The following CACNA1C variants were observed in gnomAD, a reference collection of about 807,000 sequenced individuals.
CACNA1C encodes the protein voltage-dependent L-type calcium channel subunit alpha-1C.
A neutral mutation model predicts 229.0 loss-of-function variants in CACNA1C; 30 were observed. The ratio of observed to expected loss-of-function variants is 0.13; its 90% confidence interval spans 0.10 to 0.18. The LOEUF is 0.18. CACNA1C is among the 10% of genes least tolerant of loss of function. The pLI is 1.00. For synonymous variants in CACNA1C, 1,114 were observed against 1,132.5 expected (o/e 0.98, Z 0.33); for missense variants, 1,658 against 2,845.0 (o/e 0.58, Z 9.49).
Position 2,677,962 on chromosome 12 carries a change from AG to A in CACNA1C, c.5091+96del. 2 of 1,423,680 alleles carry A rather than the reference AG, an allele frequency of 1.4e-6. No homozygotes were observed. Among genetic ancestry groups the A allele is most frequent in the Non-Finnish European group, 2.0e-6 (2 of 1,024,616 alleles). The allele number at this position is 1,423,680 out of a possible 1,614,324, so 88.2% of individuals were successfully genotyped here. ...TTTGCGGGGAACGTCCAGGGGAAGG[AG>A]CTGCACCAGAGGAAAGGGCTACTTC... On this transcript the variant is annotated intron_variant, in intron 41 of 46. Coordinates refer to ENST00000399655, the MANE Select transcript of CACNA1C (RefSeq NM_000719.7). The surrounding 1 kb of genome is among the most constrained non-coding windows in gnomAD (Gnocchi z 7.4).
At chr12:2,235,337 C>A (rs544603388) in intron 3 of CACNA1C, among the ~76,000 whole-genome samples, 1 of 152,160 alleles carries the variant, frequency 6.6e-6, no homozygotes, top group Non-Finnish European at 1.5e-5. Context: ...GCCATTCAGC[C>A]GGGGTCCAAC....
intron 3 of CACNA1C, among the ~76,000 whole-genome samples, chr12:2,281,010 G>C (rs932679818): frequency 4.6e-5 from 7 of 152,012 alleles, no homozygotes; most frequent in Non-Finnish European, 7.4e-5. Flanking sequence ...TGTGCACAAC[G>C]TGCAGGTTAG....
chr12:2,417,877 A>T (rs1200604151), intron 3 of CACNA1C, among the ~76,000 whole-genome samples: 1 of 152,024 alleles, frequency 6.6e-6, no homozygotes, highest in African/African-American at 2.4e-5. Context: ...AGGAATGGCA[A>T]GGGGGGCCTC....
At position 2,615,873 on chromosome 12, in the gene CACNA1C, C is replaced by T. The variant is rs74053883; in HGVS notation, c.3828+3860C>T. 8.9e-3 allele frequency among the ~76,000 whole-genome samples: 1,349 copies of T among 152,314 alleles called. 13 individuals carry two copies. Among genetic ancestry groups the T allele is most frequent in the African/African-American group, 0.025 (1,047 of 41,570 alleles). On this transcript the variant is annotated intron_variant, in intron 29 of 46. Transcript: ENST00000399655. The stretch of plus-strand genomic sequence containing the variant: ...GAGTGAGAGGCTGCGCTCCAAGCTT[C>T]TCCTCCTCAGTGGAATGTGGTATGC...
chr12:2,115,045 C>A (rs755825676), intron 1 of CACNA1C, among the ~76,000 whole-genome samples, 179 bp from the exon 2 acceptor site: 2 of 152,230 alleles, frequency 1.3e-5, no homozygotes, highest in African/African-American at 4.8e-5. Flanking sequence ...AGGACCGCAA[C>A]GATCCTGGCC....
chr12:2,023,201 T>C (rs569083354), intron 1 of CACNA1C, among the ~76,000 whole-genome samples: 2 of 152,366 alleles, frequency 1.3e-5, no homozygotes, highest in Non-Finnish European at 2.9e-5. Flanking sequence ...TCTGTCGTTC[T>C]GTAGGTTCAT....
At chr12:2,222,390 G>A (rs974175618) in intron 3 of CACNA1C, 4 of 152,320 alleles carry the variant, frequency 2.6e-5, no homozygotes, top group Middle Eastern at 3.4e-3. Flanking sequence ...TGAACACGAC[G>A]CTTAACCTCT....
intron 3 of CACNA1C, among the ~76,000 whole-genome samples, chr12:2,442,124 CTCA>C (rs2099234395): frequency 6.6e-6 from 1 of 152,172 alleles, no homozygotes; most frequent in Non-Finnish European, 1.5e-5. Context: ...TCAGTAAAGA[CTCA>C]TCATTATTAT....
intron 30 of CACNA1C, among the ~76,000 whole-genome samples, chr12:2,636,095 G>C (rs1337630495): frequency 6.6e-6 from 1 of 152,234 alleles, no homozygotes; most frequent in Non-Finnish European, 1.5e-5. Context: ...TCAGCCGTGG[G>C]AGACACTGCA....
intron 1 of CACNA1C, among the ~76,000 whole-genome samples, chr12:2,015,655 G>A (rs570726242): frequency 6.6e-6 from 1 of 152,154 alleles, no homozygotes; most frequent in Non-Finnish European, 1.5e-5. Context: ...CCATGGCCAG[G>A]GCTCATCCAG....
chr12:2,318,225 C>G (rs1229686473), intron 3 of CACNA1C, among the ~76,000 whole-genome samples: 1 of 152,250 alleles, frequency 6.6e-6, no homozygotes, highest in Admixed American at 6.5e-5. Flanking sequence ...CCTGGGCGCT[C>G]TCCTTCTGGG....
At chr12:2,429,737 A>G (rs2099065052) in intron 3 of CACNA1C, among the ~76,000 whole-genome samples, 2 of 152,208 alleles carry the variant, frequency 1.3e-5, no homozygotes, top group Non-Finnish European at 2.9e-5. Context: ...GATAGATACC[A>G]GTCCCTCTGC....
Position 2,108,319 on chromosome 12 carries a change from G to A in CACNA1C, c.50-6905G>A, listed in dbSNP as rs1033342616. Among the ~76,000 whole-genome samples the A allele has an allele frequency of 2.0e-5, 3 of 152,320 alleles. No individual in the cohort carries two copies. Among genetic ancestry groups the A allele is most frequent in the Middle Eastern group, 3.4e-3 (1 of 294 alleles). ...AACAGTGCTGCAGAACAGGCCCCCC[G>A]AGGGAACTGCGGTTCGGGTACAATT... On this transcript the variant is annotated intron_variant, in intron 1 of 46. Coordinates refer to ENST00000399655, the MANE Select transcript of CACNA1C (RefSeq NM_000719.7). The surrounding 1 kb of genome is among the most constrained non-coding windows in gnomAD (Gnocchi z 5.3).
intron 34 of CACNA1C, among the ~76,000 whole-genome samples, chr12:2,657,751 G>A (rs984827632): frequency 2.6e-5 from 4 of 151,998 alleles, no homozygotes; most frequent in African/African-American, 7.2e-5. Flanking sequence ...AAACAAAATG[G>A]CCTAAAGAAA....
intron 43 of CACNA1C, 57 bp from the exon 44 acceptor site, chr12:2,685,679 C>T: frequency 7.6e-7 from 1 of 1,311,938 alleles, no homozygotes; most frequent in Non-Finnish European, 1.1e-6. Context: ...GCAGCTGTCC[C>T]TGTGGGTGGC....
intron 3 of CACNA1C, among the ~76,000 whole-genome samples, chr12:2,338,879 A>G (rs1272261611): frequency 6.6e-6 from 1 of 152,062 alleles, no homozygotes; most frequent in Non-Finnish European, 1.5e-5. Flanking sequence ...CATACCCATC[A>G]TGCTAAACAG....
chr12:2,420,542 T>C (rs543584459), intron 3 of CACNA1C, among the ~76,000 whole-genome samples: 67 of 152,278 alleles, frequency 4.4e-4, no homozygotes, highest in Non-Finnish European at 7.3e-4. Context: ...GGAAGGAGAG[T>C]GACACTGTTA....
At chr12:2,220,905 CAAAT>C (rs60692157) in intron 3 of CACNA1C, 18,634 of 151,942 alleles carry the variant, frequency 0.12, 2,437 homozygotes, top group African/African-American at 0.33. Flanking sequence ...AAGATGTAAG[CAAAT>C]AAATGAGAGA....
intron 1 of CACNA1C, among the ~76,000 whole-genome samples, chr12:2,030,397 T>TG (rs1371745258): frequency 2.0e-5 from 3 of 152,018 alleles, no homozygotes; most frequent in Non-Finnish European, 4.4e-5. Flanking sequence ...AGTTTTTTTT[T>TG]TTGTTTTAAT....
Sources: gnomAD v4.1 joint callset for allele counts (sites outside exome capture counted in the v4.1 genomes callset) on GRCh38, gnomAD v4.1.1 for gene constraint, Gnocchi (gnomAD v3.1) non-coding constraint, MANE v1.5 for transcripts, NCBI Gene and HGNC (gene_info 2026-07-23, HGNC 2026-07-21) for gene names.